The following SYNE2 variants were observed in gnomAD, a reference collection of about 807,000 sequenced individuals.
SYNE2 encodes the protein nesprin-2.
SYNE2 carries 431 observed loss-of-function variants against 856.3 expected under a neutral mutation model. The ratio of observed to expected loss-of-function variants is 0.50; its 90% CI spans 0.47 to 0.55. SYNE2 has a LOEUF of 0.55. SYNE2 is among the 20% of genes least tolerant of loss of function. The pLI is 0.00. For missense variants in SYNE2, 8,129 were observed against 8,023.2 expected (o/e 1.01, Z -0.50); for synonymous variants, 2,923 against 2,872.3 (o/e 1.02, Z -0.56).
intron 1 of SYNE2, among the ~76,000 whole-genome samples, chr14:63,830,105 T>G (rs1166894532): frequency 6.6e-6 from 1 of 152,048 alleles, no homozygotes; most frequent in Non-Finnish European, 1.5e-5. Flanking sequence ...TTATGCCAAG[T>G]GAAAGAAGCC....
At chr14:63,800,739 C>T in intron 1 of SYNE2, among the ~76,000 whole-genome samples, 1 of 152,272 alleles carries the variant, frequency 6.6e-6, no homozygotes, top group East Asian at 1.9e-4. Flanking sequence ...CATTTTCTCA[C>T]TTGTAAGTGG....
chr14:63,991,926 C>T (rs903315733), intron 21 of SYNE2, among the ~76,000 whole-genome samples: 4 of 151,154 alleles, frequency 2.6e-5, no homozygotes, highest in South Asian at 2.1e-4. Flanking sequence ...TCTTCATTCT[C>T]ATCACGGCCT....
chr14:63,860,639 T>C (rs1016129034), intron 1 of SYNE2, among the ~76,000 whole-genome samples: 2 of 152,242 alleles, frequency 1.3e-5, no homozygotes, highest in African/African-American at 4.8e-5. Context: ...AGCTGACTTT[T>C]AGTCTTCCTT....
In SYNE2 at chr14:64,220,889, G is replaced by A. The variant is rs191841949; in HGVS notation, c.20061+252G>A. Among the ~76,000 whole-genome samples the A allele has an allele frequency of 4.6e-5, 7 of 152,266 alleles. No homozygotes were observed. In the East Asian group the frequency reaches 1.4e-3, roughly 29 times the overall value. ...GAGTCAGGGTTCCTGCAGGCGACCT[G>A]TAGGTTAGAGATGCCACCCCACAAC... On this transcript the variant is annotated intron_variant, in intron 111 of 115. Coordinates refer to ENST00000555002, the MANE Select transcript of SYNE2 (RefSeq NM_182914.3).
chr14:64,014,523 T>A (rs1194624410), intron 32 of SYNE2, among the ~76,000 whole-genome samples: 1 of 152,152 alleles, frequency 6.6e-6, no homozygotes, highest in Non-Finnish European at 1.5e-5. Context: ...ACCTCCTGGA[T>A]TCAAGCAATT....
At chr14:64,210,419 C>T in intron 103 of SYNE2, among the ~76,000 whole-genome samples, 1 of 152,134 alleles carries the variant, frequency 6.6e-6, no homozygotes, top group East Asian at 1.9e-4. Flanking sequence ...GCTCAGAGTC[C>T]AGGGCGCCGC....
chr14:64,078,685 G>T, intron 55 of SYNE2, 79 bp downstream of exon 55: 1 of 1,545,134 alleles, frequency 6.5e-7, no homozygotes, highest in Non-Finnish European at 8.9e-7. Flanking sequence ...ACCACAGGGT[G>T]AGTTCTTTGA....
intron 103 of SYNE2, among the ~76,000 whole-genome samples, 172 bp from the exon 104 acceptor site, chr14:64,211,789 A>T (rs1372492129): frequency 6.6e-6 from 1 of 152,036 alleles, no homozygotes; most frequent in Non-Finnish European, 1.5e-5. Context: ...CCAGAACCAG[A>T]CCCCAGCCTC....
Position 63,974,802 on chromosome 14 carries a change from A to G in SYNE2, c.1129-1761A>G, listed in dbSNP as rs9652355. Among the ~76,000 whole-genome samples, 91 of 94,570 alleles carry G rather than the reference A, an allele frequency of 9.6e-4. 1 individual carries two copies. Among genetic ancestry groups the G allele is most frequent in the Admixed American group, 4.5e-3 (39 of 8,630 alleles). 62.0% of individuals were successfully genotyped at this position (94,570 alleles called of 152,430 possible). ...TATGTGTGTATATATATGTGTATAT[A>G]TGTGTATATATGTATATACATATGT... is the stretch of plus-strand genomic sequence containing the variant. On this transcript the variant is annotated intron_variant, in intron 11 of 115. Transcript: ENST00000555002.
chr14:64,033,267 A>C (rs2097056405), intron 45 of SYNE2, among the ~76,000 whole-genome samples: 1 of 152,234 alleles, frequency 6.6e-6, no homozygotes, highest in Non-Finnish European at 1.5e-5. Context: ...TGAGCTTGCT[A>C]AAGGGAGTTA....
rs111232271 is a variant in SYNE2 at position 63,912,903 on chromosome 14, G to C, written c.79+3676G>C. 1.3e-3 allele frequency among the ~76,000 whole-genome samples: 203 copies of C among 152,270 alleles called. 1 individual carries two copies. Among genetic ancestry groups the C allele is most frequent in the African/African-American group, 4.7e-3 (194 of 41,548 alleles). On this transcript the variant is annotated intron_variant, in intron 2 of 115. Transcript: ENST00000555002. ...ATTGATTTTTTTGTGTGCTCTTTGA[G>C]AAAATATCTTTGTAAAGCCAATTTG...
At chr14:64,002,364 C>A (rs964458592) in intron 29 of SYNE2, among the ~76,000 whole-genome samples, 3 of 152,092 alleles carry the variant, frequency 2.0e-5, no homozygotes, top group Non-Finnish European at 4.4e-5. Context: ...CCTAAATATA[C>A]GAGACTCATG....
At position 63,787,816 on chromosome 14, in the gene SYNE2, G is replaced by A. The variant is rs182628487; in HGVS notation, c.-305+25830G>A. 9.2e-5 allele frequency among the ~76,000 whole-genome samples: 14 copies of A among 152,332 alleles called. No homozygotes were observed. The East Asian group carries it at 2.5e-3, about 27-fold the overall frequency. On this transcript the variant is annotated intron_variant, in intron 1 of 23. Coordinates refer to the SYNE2 transcript ENST00000674003. ...TGCCCACTTGGACCCACAGGGACTG[G>A]CACCTGACCTGCAGCCTTCAGGCCC...
At chr14:63,987,713 T>C (rs2096636836) in intron 19 of SYNE2, among the ~76,000 whole-genome samples, 1 of 152,130 alleles carries the variant, frequency 6.6e-6, no homozygotes. Context: ...TTATTTACTC[T>C]ATCTGGAATT....
intron 89 of SYNE2, among the ~76,000 whole-genome samples, chr14:64,164,755 C>A (rs951210854): frequency 6.6e-6 from 1 of 152,122 alleles, no homozygotes; most frequent in East Asian, 1.9e-4. Context: ...TGGGAAGGCT[C>A]AAAGGCACGA....
intron 106 of SYNE2, 36 bp downstream of exon 106, chr14:64,214,506 C>T: frequency 6.3e-7 from 1 of 1,584,482 alleles, no homozygotes; most frequent in Non-Finnish European, 8.6e-7. Flanking sequence ...GGAAAGTGAC[C>T]CGTTTGGCTA....
At chr14:64,220,690 T>G in intron 111 of SYNE2, 53 bp downstream of exon 111, 4 of 1,586,582 alleles carry the variant, frequency 2.5e-6, no homozygotes, top group Non-Finnish European at 3.4e-6. Flanking sequence ...GCCCACGTGG[T>G]AGGAGCAGCA....
chr14:63,787,849 C>A (rs1233221363), intron 1 of SYNE2, among the ~76,000 whole-genome samples: 1 of 152,206 alleles, frequency 6.6e-6, no homozygotes, highest in Admixed American at 6.5e-5. Flanking sequence ...CCCTCCCTGC[C>A]CTGAAGGTGG....
At position 64,052,671 on chromosome 14, in the gene SYNE2, C is replaced by G; in HGVS notation, c.8758C>G (p.Leu2920Val). ...RLFLEDQLKN[L>V]KIRTNRIQRF... ...ATTTCTGGAAGATCAGTTGAAAAAT[C>G]TTAAGATTAGGACCAACAGAATACA... Residue 2920 changes from leucine (L) to valine (V), a missense_variant, in exon 48 of 116, where the codon CTT becomes GTT. Leu to Val is a conservative substitution (Grantham distance 32). Around this residue, in one of 3 missense-constraint regions of SYNE2, gnomAD observed 5,410 missense variants for 5,284.8 expected, o/e 1.02. Coordinates refer to ENST00000555002, the MANE Select transcript of SYNE2 (RefSeq NM_182914.3). 6.2e-7 allele frequency: 1 copy of G among 1,613,842 alleles called. No homozygotes were observed. The highest frequency in any genetic ancestry group is 8.5e-7 in the Non-Finnish European group (1 of 1,179,900).
Sources: allele counts gnomAD v4.1 joint callset (sites outside exome capture counted in the v4.1 genomes callset), GRCh38; gene constraint gnomAD v4.1.1; regional missense constraint gnomAD v4.1.1; transcripts MANE v1.5; gene names NCBI Gene and HGNC (gene_info 2026-07-23, HGNC 2026-07-21).